The following SGCG variants were observed in gnomAD, a reference collection of about 807,000 sequenced individuals.
SGCG encodes sarcoglycan gamma, also known as gamma-sarcoglycan.
In SGCG, 26 loss-of-function variants were observed where a neutral mutation model predicts 29.3. The ratio of observed to expected loss-of-function variants is 0.89; its 90% confidence interval spans 0.65 to 1.23. SGCG has a LOEUF of 1.23. Ranked by LOEUF, SGCG falls within the 50% of genes most tolerant of loss-of-function variation. The pLI is 0.00. For missense variants in SGCG, 353 were observed against 356.0 expected, an observed-to-expected ratio of 0.99 and a Z score of 0.07; for synonymous variants, 145 against 129.7, an observed-to-expected ratio of 1.12 and a Z score of -0.80.
rs375420098 is a variant in SGCG, at chr13:23,203,675, G to T, written c.1-20G>T. The T allele has an allele frequency of 3.1e-6, 5 of 1,596,220 alleles. No homozygotes were observed. Among genetic ancestry groups the T allele is most frequent in the South Asian group, 1.1e-5 (1 of 89,720 alleles). On this transcript the variant is annotated intron_variant, in intron 1 of 7. Coordinates refer to ENST00000218867, the MANE Select transcript of SGCG (RefSeq NM_000231.3). The stretch of plus-strand genomic sequence containing the variant: ...TCTCTGTCTCTTTCTCTCTCCTCTC[G>T]TGAACACACTCCGTGGCAGATGGTG...
At chr13:23,247,251 T>C (rs1421256064) in intron 3 of SGCG, 1 of 152,422 alleles carries the variant, frequency 6.6e-6, no homozygotes, top group African/African-American at 2.4e-5. Context: ...ACACATGAAC[T>C]AGATTTGAAC....
intron 5 of SGCG, among the ~76,000 whole-genome samples, chr13:23,291,876 C>T (rs2137638369): frequency 6.6e-6 from 1 of 152,078 alleles, no homozygotes. Flanking sequence ...AATCGAGGGG[C>T]TGGGGAAAAA....
intron 2 of SGCG, among the ~76,000 whole-genome samples, chr13:23,221,788 G>A (rs1878666210): frequency 6.6e-6 from 1 of 152,202 alleles, no homozygotes; most frequent in Admixed American, 6.5e-5. Flanking sequence ...GTTGCTGAGT[G>A]AGAAGTTTCC....
the SGCG span, among the ~76,000 whole-genome samples, chr13:23,167,995 C>T: frequency 6.6e-6 from 1 of 152,152 alleles, no homozygotes; most frequent in African/African-American, 2.4e-5. Flanking sequence ...CCTCGATCTC[C>T]CAAAGTGCTG....
the SGCG span, among the ~76,000 whole-genome samples, chr13:23,161,106 G>T: frequency 6.6e-6 from 1 of 152,174 alleles, no homozygotes; most frequent in Non-Finnish European, 1.5e-5. Flanking sequence ...GCAAAGTTGC[G>T]TAGGGGTTAC....
Position 23,320,717 on chromosome 13 carries a change from C to T in SGCG, c.659C>T (p.Ala220Val), listed in dbSNP as rs753751942. The change falls in exon 7 of 8, where the codon GCG (alanine) becomes GTG (valine). Residue 220 changes from alanine (A) to valine (V), a missense_variant. Physicochemically the swap from Ala to Val is moderately conservative, Grantham distance 64. Coordinates refer to ENST00000218867, the MANE Select transcript of SGCG (RefSeq NM_000231.3). Reference sequence around the variant, plus strand: ...CAAGCTCACGCTGGGAAAATTGAGGCGCTTTCTCAAATGGATATTCTTTTT... The same window carrying T: ...CAAGCTCACGCTGGGAAAATTGAGGTGCTTTCTCAAATGGATATTCTTTTT... The part of the protein sequence containing the change: ...HIQAHAGKIE[A>V]LSQMDILFHS... 13 of 1,612,720 alleles carry T rather than the reference C, an allele frequency of 8.1e-6. No individual in the cohort carries two copies. The African/African-American group carries it at 1.1e-4, about 13-fold the overall frequency.
At chr13:23,279,840 G>A (rs1403635355) in intron 5 of SGCG, among the ~76,000 whole-genome samples, 2 of 151,742 alleles carry the variant, frequency 1.3e-5, no homozygotes, top group Non-Finnish European at 2.9e-5. Flanking sequence ...CAATTCTCCT[G>A]CCTCAGCCTC....
the SGCG span, among the ~76,000 whole-genome samples, chr13:23,168,464 G>A: frequency 6.6e-6 from 1 of 152,192 alleles, no homozygotes; most frequent in Non-Finnish European, 1.5e-5. Flanking sequence ...TTGGCACCTA[G>A]TTGGTGCCTG....
rs539786681 is a variant in SGCG, at chr13:23,294,068, A to G, written c.506-1347A>G. Among the ~76,000 whole-genome samples the G allele has an allele frequency of 3.9e-5, 6 of 152,272 alleles. No homozygotes were observed. The South Asian group carries it at 8.3e-4, about 21-fold the overall frequency. ...CCATGGCAAGTCGGGGACCCTCTGT[A>G]TTTCCTAAAGAGGAAAGTGCACAGT... On this transcript the variant is annotated intron_variant, in intron 5 of 7. Transcript: ENST00000218867.
chr13:23,256,708 T>C (rs1359039602), intron 4 of SGCG, among the ~76,000 whole-genome samples: 1 of 152,202 alleles, frequency 6.6e-6, no homozygotes, highest in African/African-American at 2.4e-5. Flanking sequence ...GGACATGAAC[T>C]CATCCTTTTT....
At chr13:23,203,020 C>T (rs774166917) in intron 1 of SGCG, among the ~76,000 whole-genome samples, 7 of 151,904 alleles carry the variant, frequency 4.6e-5, no homozygotes, top group Admixed American at 2.0e-4. Flanking sequence ...AGTGCAGTGG[C>T]GCGATCTCTG....
At chr13:23,290,565 A>T (rs1881664205) in intron 5 of SGCG, among the ~76,000 whole-genome samples, 2 of 152,188 alleles carry the variant, frequency 1.3e-5, no homozygotes, top group Non-Finnish European at 2.9e-5. Flanking sequence ...GGAGTAATAA[A>T]GGCAAAAGGC....
chr13:23,196,258 G>C (rs531277729), intron 1 of SGCG, among the ~76,000 whole-genome samples: 1 of 152,072 alleles, frequency 6.6e-6, no homozygotes, highest in Non-Finnish European at 1.5e-5. Context: ...GTAAATTAAA[G>C]ATCTTTAGGC....
At chr13:23,253,702 G>T (rs1008977591) in intron 4 of SGCG, among the ~76,000 whole-genome samples, 4 of 152,232 alleles carry the variant, frequency 2.6e-5, no homozygotes, top group African/African-American at 9.6e-5. Flanking sequence ...ATGGTGAAAT[G>T]TGATTCCCAA....
At chr13:23,204,533 G>A (rs1877901555) in intron 2 of SGCG, among the ~76,000 whole-genome samples, 1 of 152,150 alleles carries the variant, frequency 6.6e-6, no homozygotes, top group African/African-American at 2.4e-5. Context: ...TTGCAGGCAG[G>A]TCAGTCTGTT....
At chr13:23,294,676 T>A (rs1388713370) in intron 5 of SGCG, among the ~76,000 whole-genome samples, 1 of 152,240 alleles carries the variant, frequency 6.6e-6, no homozygotes, top group Admixed American at 6.5e-5. Flanking sequence ...GCATATAGAT[T>A]AAACGTGTGG....
intron 4 of SGCG, among the ~76,000 whole-genome samples, chr13:23,277,717 G>T (rs1210094996): frequency 2.9e-5 from 4 of 138,374 alleles, no homozygotes; most frequent in Non-Finnish European, 4.6e-5. Flanking sequence ...TTTTTTTTTG[G>T]AGAGGTAGTC....
intron 4 of SGCG, among the ~76,000 whole-genome samples, chr13:23,259,388 A>G (rs1184891751): frequency 1.3e-5 from 2 of 152,022 alleles, no homozygotes; most frequent in African/African-American, 4.8e-5. Context: ...CGGTGGAGAT[A>G]TCCCCTTTAT....
At chr13:23,267,313 A>G (rs887960672) in intron 4 of SGCG, among the ~76,000 whole-genome samples, 2 of 152,176 alleles carry the variant, frequency 1.3e-5, no homozygotes, top group Non-Finnish European at 2.9e-5. Context: ...TACTCTGAGG[A>G]GTGTCTACAG....
Sources: allele counts gnomAD v4.1 joint callset (sites outside exome capture counted in the v4.1 genomes callset), GRCh38; gene constraint gnomAD v4.1.1; transcripts MANE v1.5; gene names NCBI Gene and HGNC (gene_info 2026-07-23, HGNC 2026-07-21).